Variants in ALK observed in about 807,000 individuals in gnomAD.
ALK encodes the protein ALK tyrosine kinase receptor.
A neutral mutation model predicts 163.1 loss-of-function variants in ALK; 74 were observed. The ratio of observed to expected loss-of-function variants is 0.45; its 90% CI spans 0.38 to 0.55. The LOEUF (loss-of-function observed/expected upper bound fraction) is 0.55. Among genes scored for constraint, ALK ranks in the 20% least tolerant of loss-of-function variants. ALK has a pLI of 0.00. For synonymous variants in ALK, 960 were observed against 843.2 expected (o/e 1.14, Z -2.40); for missense variants, 2,063 against 2,105.3 (o/e 0.98, Z 0.39).
chr2:29,396,545 G>A (rs548813945), intron 4 of ALK, among the ~76,000 whole-genome samples: 234 of 152,196 alleles, frequency 1.5e-3, no homozygotes, highest in African/African-American at 5.4e-3. Flanking sequence ...ATGGTGGCGT[G>A]TGCCTGTAAT....
intron 5 of ALK, among the ~76,000 whole-genome samples, chr2:29,362,203 C>T (rs1668403843): frequency 6.6e-6 from 1 of 152,100 alleles, no homozygotes; most frequent in African/African-American, 2.4e-5. Context: ...AAAAAAGGAG[C>T]CAAATACAGG....
intron 3 of ALK, among the ~76,000 whole-genome samples, chr2:29,562,991 C>T (rs1674070833): frequency 6.6e-6 from 1 of 152,162 alleles, no homozygotes; most frequent in African/African-American, 2.4e-5. Flanking sequence ...GCCATTTAAA[C>T]TCCAGGCTGT....
chr2:29,602,572 G>A (rs1472977819), intron 3 of ALK, among the ~76,000 whole-genome samples: 1 of 152,136 alleles, frequency 6.6e-6, no homozygotes, highest in African/African-American at 2.4e-5. Context: ...GGTAGAACAA[G>A]ATCTGGAAAC....
At chr2:29,657,002 C>T (rs1012694766) in intron 3 of ALK, among the ~76,000 whole-genome samples, 3 of 152,160 alleles carry the variant, frequency 2.0e-5, no homozygotes, top group Non-Finnish European at 4.4e-5. Context: ...AAATATTTAA[C>T]ATAGAAAACG....
chr2:29,920,561 A>G lies in ALK; in HGVS notation c.99T>C (p.Ala33=), dbSNP rs2148443921. 6.3e-7 allele frequency: 1 copy of G among 1,598,492 alleles called. No homozygotes were observed. The highest frequency in any genetic ancestry group is 8.5e-7 in the Non-Finnish European group (1 of 1,175,376). ...CCCGGGGCTGCAGCGGCGGCCCCGC[A>G]GCTGGGGAGCCCGCGCGCTGGCCGG... ...MGTGQRAGSP[A]AGPPLQPREP... The change falls in exon 1 of 29, where the codon GCT becomes GCC. Residue 33 remains alanine (A), a synonymous_variant. Transcript: ENST00000389048.
chr2:29,241,850 T>C (rs975267665), intron 12 of ALK, among the ~76,000 whole-genome samples: 1 of 152,128 alleles, frequency 6.6e-6, no homozygotes, highest in Non-Finnish European at 1.5e-5. Context: ...TCAGAGGGAC[T>C]AAGTAACTCA....
intron 3 of ALK, among the ~76,000 whole-genome samples, chr2:29,664,788 G>A (rs950518199): frequency 2.0e-5 from 3 of 151,984 alleles, no homozygotes; most frequent in Non-Finnish European, 4.4e-5. Flanking sequence ...ATGGTGCTAT[G>A]TTCTATATAG....
At chr2:29,528,654 T>C (rs982710296) in intron 4 of ALK, among the ~76,000 whole-genome samples, 1 of 152,142 alleles carries the variant, frequency 6.6e-6, no homozygotes, top group East Asian at 1.9e-4. Flanking sequence ...GTGAGATGAA[T>C]GTTTGAACCC....
intron 3 of ALK, among the ~76,000 whole-genome samples, chr2:29,536,096 C>T (rs942636473): frequency 6.6e-6 from 1 of 152,172 alleles, no homozygotes; most frequent in Non-Finnish European, 1.5e-5. Flanking sequence ...GTATGCAACA[C>T]AATGCTTGCC....
intron 3 of ALK, among the ~76,000 whole-genome samples, chr2:29,675,995 G>A (rs1375417966): frequency 6.6e-6 from 1 of 151,940 alleles, no homozygotes; most frequent in African/African-American, 2.4e-5. Context: ...CAAAGTGTTG[G>A]GATTACAGGT....
intron 4 of ALK, among the ~76,000 whole-genome samples, chr2:29,499,346 ACCACCATGC>A (rs1238485758): frequency 6.6e-6 from 1 of 151,988 alleles, no homozygotes; most frequent in African/African-American, 2.4e-5. Context: ...ACAGGTGTGC[ACCACCATGC>A]CCAGTTAATT....
At chr2:29,440,054 A>G (rs2148080235) in intron 4 of ALK, among the ~76,000 whole-genome samples, 1 of 152,114 alleles carries the variant, frequency 6.6e-6, no homozygotes, top group South Asian at 2.1e-4. Context: ...CAACATGGTG[A>G]AACCCCGTCT....
At chr2:29,581,617 T>G (rs888630640) in intron 3 of ALK, among the ~76,000 whole-genome samples, 2 of 152,102 alleles carry the variant, frequency 1.3e-5, no homozygotes, top group African/African-American at 4.8e-5. Context: ...CCTGGGCGCC[T>G]TGAGGCCTGT....
intron 5 of ALK, among the ~76,000 whole-genome samples, chr2:29,376,846 T>C (rs1168096068): frequency 6.6e-6 from 1 of 152,254 alleles, no homozygotes; most frequent in East Asian, 1.9e-4. Context: ...TTTGTTCAGC[T>C]TCTTTCGTTT....
intron 4 of ALK, among the ~76,000 whole-genome samples, chr2:29,422,125 T>G (rs966748108): frequency 6.6e-6 from 1 of 151,426 alleles, no homozygotes; most frequent in Non-Finnish European, 1.5e-5. Flanking sequence ...AGCCAGGTAG[T>G]CTTTTTGGAG....
intron 12 of ALK, among the ~76,000 whole-genome samples, chr2:29,242,331 G>T (rs1664545631): frequency 6.6e-6 from 1 of 152,190 alleles, no homozygotes; most frequent in South Asian, 2.1e-4. Context: ...CTCCTGCTGT[G>T]GTTGAGAGGT....
chr2:29,769,333 G>A, intron 1 of ALK, among the ~76,000 whole-genome samples: 1 of 152,032 alleles, frequency 6.6e-6, no homozygotes, highest in East Asian at 1.9e-4. Context: ...TCATTTCTAG[G>A]CTGACTTTCA....
In ALK at chr2:29,192,869, C is replaced by G. The variant is rs1668905551; in HGVS notation, c.*355G>C. 8 of 407,252 alleles carry G rather than the reference C, an allele frequency of 2.0e-5. No homozygotes were observed. The highest frequency in any genetic ancestry group is 1.4e-5 in the Non-Finnish European group (3 of 219,488). The allele number at this position is 407,252 out of a possible 1,614,324, so 25.2% of individuals were successfully genotyped here. A position where few individuals can be genotyped will look rare whatever the true frequency, so the allele number is the denominator to read the frequency against. On this transcript the variant is annotated 3_prime_UTR_variant, in exon 29 of 29. Transcript: ENST00000389048. ...GGCAAGGAAACATCTATGACCCCAA[C>G]TATGAAACATAGAAGCAGCTAATTC...
intron 11 of ALK, among the ~76,000 whole-genome samples, chr2:29,262,966 T>G (rs1558643828): frequency 6.6e-6 from 1 of 152,168 alleles, no homozygotes; most frequent in South Asian, 2.1e-4. Context: ...CTGTAAAAAT[T>G]AAGTTAAGGG....
Sources: gnomAD v4.1 joint callset for allele counts (sites outside exome capture counted in the v4.1 genomes callset) on GRCh38, gnomAD v4.1.1 for gene constraint, MANE v1.5 for transcripts, NCBI Gene and HGNC (gene_info 2026-07-23, HGNC 2026-07-21) for gene names.